Variants in ZNF185 observed in about 807,000 individuals in gnomAD.
ZNF185 encodes zinc finger protein 185 with LIM domain.
Under a neutral mutation model 58.6 loss-of-function variants are expected in ZNF185, and 56 were observed. The ratio of observed to expected loss-of-function variants is 0.95; its 90% CI spans 0.77 to 1.19. ZNF185 has a LOEUF of 1.19. ZNF185 is among the 50% of genes most tolerant of loss of function. ZNF185 has a pLI of 0.00. For missense variants in ZNF185, 627 were observed against 573.5 expected, an observed-to-expected ratio of 1.09 and a Z score of -0.95; for synonymous variants, 230 against 215.9, an observed-to-expected ratio of 1.07 and a Z score of -0.57.
chrX:152,940,544 G>A (rs1603270357), intron 15 of ZNF185, among the ~76,000 whole-genome samples: 1 of 111,160 alleles, frequency 9.0e-6, no homozygotes, highest in African/African-American at 3.3e-5. Context: ...GAGTGCCTGG[G>A]TTAAGATAAG....
the ZNF185 span, among the ~76,000 whole-genome samples, chrX:152,906,524 A>T: frequency 8.8e-6 from 1 of 113,025 alleles, no homozygotes; most frequent in African/African-American, 3.2e-5. Flanking sequence ...TACTTGACAG[A>T]TCCATATTTG....
At chrX:152,935,372 A>G (rs1603252124) in intron 14 of ZNF185, among the ~76,000 whole-genome samples, 2 of 108,502 alleles carry the variant, frequency 1.8e-5, no homozygotes, top group Non-Finnish European at 3.8e-5. Context: ...AGTAGCTGGG[A>G]CTACAGGCGC....
intron 13 of ZNF185, among the ~76,000 whole-genome samples, chrX:152,931,990 G>C (rs1348006216): frequency 2.7e-5 from 3 of 112,593 alleles, no homozygotes; most frequent in African/African-American, 9.7e-5. Context: ...GAGGCCTGGA[G>C]GGAGGTAGGC....
chrX:152,964,699 C>T (rs2049933201), intron 18 of ZNF185, among the ~76,000 whole-genome samples: 1 of 111,362 alleles, frequency 9.0e-6, no homozygotes, highest in African/African-American at 3.3e-5. Context: ...ACCTGCATTC[C>T]TGGCCACCTG....
chrX:152,920,587 C>A, intron 8 of ZNF185, 120 bp from the exon 10 acceptor site: 1 of 1,026,771 alleles, frequency 9.7e-7, no homozygotes, highest in South Asian at 2.0e-5. Flanking sequence ...TGGCGGCTAC[C>A]ACCAGGGACA....
In ZNF185 at chrX:152,939,278, G is replaced by A. The variant is rs74517843; in HGVS notation, c.1211+1115G>A. Among the ~76,000 whole-genome samples the A allele has an allele frequency of 1.6e-4, 18 of 111,716 alleles. No individual in the cohort carries two copies. In the East Asian group the frequency reaches 2.5e-3, roughly 16 times the overall value. ...CCTTATTGTGTTTCTTTTCTCATTC[G>A]AATTGCACTGACAATTAACAATCAG... On this transcript the variant is annotated intron_variant, in intron 15 of 22. Coordinates refer to ENST00000449285, the Ensembl canonical transcript of ZNF185.
At chrX:152,941,276 G>A (rs1355838737) in intron 15 of ZNF185, among the ~76,000 whole-genome samples, 2 of 111,844 alleles carry the variant, frequency 1.8e-5, no homozygotes, top group Non-Finnish European at 3.8e-5. Context: ...TACAATGTCT[G>A]GAGCCATTTT....
rs782218994 is a variant in ZNF185 at position 152,914,558 on chromosome X, T to A, written c.34+35T>A. 5.2e-6 allele frequency: 6 copies of A among 1,153,563 alleles called. No homozygotes were observed. The Admixed American group carries it at 1.6e-4, about 30-fold the overall frequency. On this transcript the variant is annotated intron_variant, in intron 1 of 22. Transcript: ENST00000449285. ...GGGCTCCCTGGTTTCCCAGGCTCTG[T>A]TTGGGGCTGTTTGCTTCCAAGCCTG...
the ZNF185 span, among the ~76,000 whole-genome samples, chrX:152,900,877 C>T: frequency 2.7e-5 from 3 of 112,560 alleles, no homozygotes; most frequent in Non-Finnish European, 5.6e-5. Flanking sequence ...CATGCAACCC[C>T]TTGAGGCCTC....
intron 11 of ZNF185, among the ~76,000 whole-genome samples, chrX:152,927,738 T>C (rs182025805): frequency 8.9e-6 from 1 of 112,609 alleles, no homozygotes; most frequent in Non-Finnish European, 1.9e-5. Flanking sequence ...TCCATGCCTC[T>C]CTGCCCCTGC....
intron 14 of ZNF185, among the ~76,000 whole-genome samples, chrX:152,936,874 G>A (rs1407086151): frequency 2.7e-5 from 3 of 110,614 alleles, no homozygotes; most frequent in African/African-American, 9.9e-5. Context: ...GCAGGAGTCA[G>A]GGAGAAGATT....
intron 14 of ZNF185, among the ~76,000 whole-genome samples, chrX:152,937,092 A>G (rs2046390090): frequency 8.9e-6 from 1 of 111,820 alleles, no homozygotes; most frequent in Non-Finnish European, 1.9e-5. Flanking sequence ...GGCAAGTCCT[A>G]GTAAGGAACG....
At chrX:152,941,730 G>C (rs1188178366) in intron 15 of ZNF185, 3 of 1,163,208 alleles carry the variant, frequency 2.6e-6, no homozygotes, top group Non-Finnish European at 3.4e-6. Context: ...GGACGAGCTC[G>C]GCCTCGGCGG....
At chrX:152,958,197 T>G (rs782436108) in intron 16 of ZNF185, among the ~76,000 whole-genome samples, 8 of 111,409 alleles carry the variant, frequency 7.2e-5, no homozygotes, top group Non-Finnish European at 1.5e-4. Flanking sequence ...CAGAAGCAAT[T>G]AATAGGTTCC....
At chrX:152,942,962 A>G (rs1489959330) in intron 15 of ZNF185, among the ~76,000 whole-genome samples, 6 of 111,404 alleles carry the variant, frequency 5.4e-5, no homozygotes, top group African/African-American at 1.6e-4. Flanking sequence ...CTATATCTAT[A>G]TATGTATATG....
intron 14 of ZNF185, among the ~76,000 whole-genome samples, chrX:152,936,911 TCAG>T (rs2046359757): frequency 1.8e-5 from 2 of 110,615 alleles, no homozygotes; most frequent in Non-Finnish European, 3.8e-5. Flanking sequence ...ATTAGAGGGC[TCAG>T]TTCCCAGGAG....
the ZNF185 span, among the ~76,000 whole-genome samples, chrX:152,900,986 C>T: frequency 1.8e-5 from 2 of 112,381 alleles, no homozygotes; most frequent in South Asian, 3.7e-4. Context: ...TGCTCTGTCA[C>T]GGAAGGTAGC....
chrX:152,922,634 C>T, intron 10 of ZNF185, 86 bp from the exon 12 acceptor site: 1 of 886,767 alleles, frequency 1.1e-6, no homozygotes, highest in Non-Finnish European at 1.6e-6. Context: ...TTGCTCCTTG[C>T]ACTCCAATAA....
At chrX:152,898,287 G>A in the ZNF185 span, among the ~76,000 whole-genome samples, 6 of 112,402 alleles carry the variant, frequency 5.3e-5, no homozygotes, top group Non-Finnish European at 1.1e-4. Context: ...GGAGGCAGTG[G>A]GGGGCACCCA....
Sources: gnomAD v4.1 joint callset for allele counts (sites outside exome capture counted in the v4.1 genomes callset) on GRCh38, gnomAD v4.1.1 for gene constraint, MANE v1.5 for transcripts, NCBI Gene and HGNC (gene_info 2026-07-23, HGNC 2026-07-21) for gene names.